SLC1A2: variants seen among roughly 807,000 people sequenced by gnomAD.
The protein encoded by SLC1A2 is excitatory amino acid transporter 2.
Under a neutral mutation model 48.8 loss-of-function variants are expected in SLC1A2, and 15 were observed. The ratio of observed to expected loss-of-function variants is 0.31; its 90% CI spans 0.21 to 0.47. SLC1A2 has a LOEUF of 0.47. SLC1A2 is among the 20% of genes least tolerant of loss of function. SLC1A2 has a pLI of 0.99. For missense variants in SLC1A2, 502 were observed against 730.5 expected (o/e 0.69, Z 3.61); for synonymous variants, 279 against 272.6 (o/e 1.02, Z -0.23).
intron 1 of SLC1A2, among the ~76,000 whole-genome samples, chr11:35,345,052 C>T (rs547551157): frequency 4.5e-5 from 5 of 110,104 alleles, no homozygotes; most frequent in African/African-American, 8.8e-5. Context: ...GTTTTGAATG[C>T]CCCAAGAGTA....
At chr11:35,365,918 T>A (rs1230265346) in intron 1 of SLC1A2, among the ~76,000 whole-genome samples, 1 of 152,160 alleles carries the variant, frequency 6.6e-6, no homozygotes, top group Non-Finnish European at 1.5e-5. Context: ...GTCACAATTA[T>A]GAGGTGAGGG....
chr11:35,309,964 G>A (rs970806152), intron 4 of SLC1A2, among the ~76,000 whole-genome samples: 12 of 152,156 alleles, frequency 7.9e-5, no homozygotes, highest in East Asian at 1.9e-4. Context: ...CAGGGCTGGC[G>A]TGGGGCAGGG....
intron 1 of SLC1A2, among the ~76,000 whole-genome samples, chr11:35,359,480 C>G (rs1205516544): frequency 6.6e-6 from 1 of 152,216 alleles, no homozygotes; most frequent in African/African-American, 2.4e-5. Flanking sequence ...CAAAAACTGT[C>G]CTATCGACTG....
rs569959651 is a variant in SLC1A2, at chr11:35,311,387, T to C, written c.561+811A>G. On this transcript the variant is annotated intron_variant, in intron 4 of 10. Transcript: ENST00000278379. ...GTTGGCCAGGCTGGTTTTGAATTCC[T>C]AACCTCAAATGATCCCCCTGCCTCG... 3.2e-4 allele frequency among the ~76,000 whole-genome samples: 49 copies of C among 152,282 alleles called. No homozygotes were observed. In the South Asian group the frequency reaches 0.01, roughly 32 times the overall value.
intron 10 of SLC1A2, among the ~76,000 whole-genome samples, chr11:35,261,441 C>A (rs779607966): frequency 5.3e-5 from 8 of 152,164 alleles, no homozygotes; most frequent in Non-Finnish European, 1.0e-4. Flanking sequence ...GACATTTCAG[C>A]TGTGCCAAAT....
chr11:35,271,042 T>C (rs1290016932), intron 9 of SLC1A2, among the ~76,000 whole-genome samples: 2 of 152,070 alleles, frequency 1.3e-5, no homozygotes, highest in African/African-American at 2.4e-5. Context: ...TGGAGAAAGA[T>C]GGATTTGAGC....
chr11:35,261,137 T>G (rs1467414323), intron 10 of SLC1A2, among the ~76,000 whole-genome samples, 172 bp from the exon 11 acceptor site: 2 of 152,206 alleles, frequency 1.3e-5, no homozygotes, highest in African/African-American at 4.8e-5. Flanking sequence ...TCAACAGTGA[T>G]CTGAGAATTT....
intron 1 of SLC1A2, among the ~76,000 whole-genome samples, chr11:35,348,892 CAAA>C (rs397752034): frequency 0.027 from 2,122 of 78,350 alleles, 39 homozygotes; most frequent in African/African-American, 0.097. Context: ...GACCTGGTCT[CAAA>C]AAAAAAAAAA....
At chr11:35,372,049 C>T (rs1312596255) in intron 1 of SLC1A2, among the ~76,000 whole-genome samples, 1 of 152,176 alleles carries the variant, frequency 6.6e-6, no homozygotes, top group African/African-American at 2.4e-5. Flanking sequence ...GTCATGGTGC[C>T]TTCACCACTG....
chr11:35,379,982 C>T (rs1184733367), intron 1 of SLC1A2, among the ~76,000 whole-genome samples: 2 of 152,354 alleles, frequency 1.3e-5, no homozygotes, highest in Non-Finnish European at 1.5e-5. Flanking sequence ...TACTTGCACG[C>T]TGATACCGGG....
intron 1 of SLC1A2, among the ~76,000 whole-genome samples, chr11:35,394,797 C>G (rs192743620): frequency 6.6e-6 from 1 of 152,104 alleles, no homozygotes; most frequent in African/African-American, 2.4e-5. Context: ...CCGTTGGGCA[C>G]GACATGGCAG....
chr11:35,306,279 T>C (rs748966873), intron 4 of SLC1A2, 37 bp from the exon 5 acceptor site: 6 of 1,553,798 alleles, frequency 3.9e-6, no homozygotes, highest in Non-Finnish European at 5.3e-6. Context: ...AGAGCTGAGA[T>C]TTGGCCTATA....
At chr11:35,301,120 C>T (rs1451507932) in intron 6 of SLC1A2, among the ~76,000 whole-genome samples, 2 of 152,124 alleles carry the variant, frequency 1.3e-5, no homozygotes, top group Admixed American at 6.5e-5. Flanking sequence ...CTGGAAAAGG[C>T]CCCTTATCAG....
At chr11:35,366,219 T>C (rs570403886) in intron 1 of SLC1A2, among the ~76,000 whole-genome samples, 6 of 152,336 alleles carry the variant, frequency 3.9e-5, no homozygotes, top group African/African-American at 1.4e-4. Context: ...AGACGTCCTT[T>C]GCCACGTGAA....
chr11:35,365,228 G>T (rs1202669876), intron 1 of SLC1A2, among the ~76,000 whole-genome samples: 1 of 152,160 alleles, frequency 6.6e-6, no homozygotes, highest in African/African-American at 2.4e-5. Context: ...GGTGCTTCTG[G>T]TCCCTCTGGG....
chr11:35,373,998 G>C (rs1854142003), intron 1 of SLC1A2, among the ~76,000 whole-genome samples: 2 of 152,216 alleles, frequency 1.3e-5, no homozygotes, highest in South Asian at 4.1e-4. Context: ...GTGTGATCTT[G>C]AGCAAGTTAC....
intron 10 of SLC1A2, among the ~76,000 whole-genome samples, chr11:35,262,729 A>C (rs1375996235): frequency 6.6e-6 from 1 of 152,234 alleles, no homozygotes; most frequent in Non-Finnish European, 1.5e-5. Context: ...TTACCTAGCA[A>C]AGGCTGAGGA....
chr11:35,273,545 C>T (rs1444745589), intron 9 of SLC1A2, among the ~76,000 whole-genome samples: 1 of 152,182 alleles, frequency 6.6e-6, no homozygotes, highest in Non-Finnish European at 1.5e-5. Context: ...ATATAAAAGG[C>T]TTATATGACC....
intron 5 of SLC1A2, among the ~76,000 whole-genome samples, chr11:35,304,892 A>G (rs953557737): frequency 3.3e-5 from 5 of 152,196 alleles, no homozygotes; most frequent in Non-Finnish European, 7.3e-5. Context: ...CTAAAATTCA[A>G]ATTTATCCAG....
Sources: allele counts gnomAD v4.1 joint callset (sites outside exome capture counted in the v4.1 genomes callset), GRCh38; gene constraint gnomAD v4.1.1; transcripts MANE v1.5; gene names NCBI Gene and HGNC (gene_info 2026-07-23, HGNC 2026-07-21).